PCDHA1: variants seen among roughly 807,000 people sequenced by gnomAD.
PCDHA1 encodes protocadherin alpha 1.
PCDHA1 carries 42 observed loss-of-function variants against 61.3 expected under a neutral mutation model. The ratio of observed to expected loss-of-function variants is 0.69; its 90% CI spans 0.54 to 0.89. PCDHA1 has a LOEUF of 0.89. Among genes scored for constraint, PCDHA1 ranks in the 40% least tolerant of loss-of-function variants. The probability of loss-of-function intolerance (pLI) is 0.00; values close to 1 mark genes in which losing one functional copy is unlikely to be tolerated. For synonymous variants in PCDHA1, 610 were observed against 553.8 expected (o/e 1.10, Z -1.43); for missense variants, 1,256 against 1,235.3 (o/e 1.02, Z -0.25).
chr5:140,925,671 A>G (rs999903876), intron 1 of PCDHA1, among the ~76,000 whole-genome samples: 5 of 148,178 alleles, frequency 3.4e-5, no homozygotes, highest in African/African-American at 1.2e-4. Flanking sequence ...TAATAATAAT[A>G]ATAATAAAGC....
intron 1 of PCDHA1, chr5:140,834,806 C>T (rs1160090879): frequency 1.9e-6 from 3 of 1,612,728 alleles, no homozygotes; most frequent in African/African-American, 1.3e-5. Flanking sequence ...GGAATCTGTT[C>T]ATCGCGGAAT....
At position 140,850,378 on chromosome 5, in the gene PCDHA1, C is replaced by T. The variant is rs1365314674; in HGVS notation, c.2394+61694C>T. On this transcript the variant is annotated intron_variant, in intron 1 of 3. Coordinates refer to ENST00000504120, the MANE Select transcript of PCDHA1 (RefSeq NM_018900.4). ...ATCCCGTTCCGCGTGGGGCTGTACA[C>T]GGGCGAGATCAGCACAACGCGTGCC... 6 of 1,597,842 alleles carry T rather than the reference C, an allele frequency of 3.8e-6. 1 individual carries two copies. Among genetic ancestry groups the T allele is most frequent in the Non-Finnish European group, 5.1e-6 (6 of 1,167,692 alleles).
At chr5:140,893,381 A>G (rs755671273) in intron 1 of PCDHA1, among the ~76,000 whole-genome samples, 11 of 152,190 alleles carry the variant, frequency 7.2e-5, no homozygotes, top group Non-Finnish European at 1.6e-4. Context: ...TTTATGGGAC[A>G]GTGGCTCATG....
chr5:140,941,169 C>T (rs1283079666), intron 1 of PCDHA1, among the ~76,000 whole-genome samples: 1 of 145,950 alleles, frequency 6.9e-6, no homozygotes, highest in Admixed American at 6.9e-5. Flanking sequence ...GACTCCCCAT[C>T]TTGAACATCC....
intron 1 of PCDHA1, among the ~76,000 whole-genome samples, chr5:140,840,213 T>C (rs1554137734): frequency 6.6e-6 from 1 of 152,020 alleles, no homozygotes; most frequent in Non-Finnish European, 1.5e-5. Flanking sequence ...GTCATAAAAA[T>C]ACATATGAGT....
At chr5:140,917,653 G>A (rs1400141765) in intron 1 of PCDHA1, among the ~76,000 whole-genome samples, 1 of 152,160 alleles carries the variant, frequency 6.6e-6, no homozygotes, top group Non-Finnish European at 1.5e-5. Flanking sequence ...GCAATATTGA[G>A]TAGGAAGTCC....
chr5:140,894,197 A>C (rs1378272032), intron 1 of PCDHA1, among the ~76,000 whole-genome samples: 1 of 152,008 alleles, frequency 6.6e-6, no homozygotes, highest in Non-Finnish European at 1.5e-5. Context: ...TATTTTTTCT[A>C]TGCTATTATA....
At chr5:140,823,331 T>G in intron 1 of PCDHA1, 2 of 1,612,068 alleles carry the variant, frequency 1.2e-6, no homozygotes, top group Non-Finnish European at 1.7e-6. Context: ...GTGTACGCGC[T>G]GCAGCCGCTG....
chr5:140,916,367 C>G (rs1400347792), intron 1 of PCDHA1, among the ~76,000 whole-genome samples: 1 of 152,196 alleles, frequency 6.6e-6, no homozygotes, highest in Non-Finnish European at 1.5e-5. Flanking sequence ...GAGTCTTTCA[C>G]TGTAGCCACC....
chr5:140,821,597 A>G, intron 1 of PCDHA1: 1 of 699,876 alleles, frequency 1.4e-6, no homozygotes. Context: ...CCCAGCCTCA[A>G]AGGAATACAG....
intron 3 of PCDHA1, among the ~76,000 whole-genome samples, chr5:141,000,399 A>ATT (rs2097917152): frequency 1.5e-5 from 1 of 66,842 alleles, no homozygotes; most frequent in Non-Finnish European, 2.7e-5. Context: ...CTCTCTCTAT[A>ATT]TATATATATA....
chr5:140,794,461 G>A (rs1257852454), intron 1 of PCDHA1, among the ~76,000 whole-genome samples: 2 of 152,198 alleles, frequency 1.3e-5, no homozygotes, highest in Non-Finnish European at 2.9e-5. Context: ...TAGAAAATAG[G>A]ACTGTGGTTA....
chr5:140,869,586 CAT>C, intron 1 of PCDHA1: 6 of 1,614,150 alleles, frequency 3.7e-6, no homozygotes, highest in Non-Finnish European at 5.1e-6. Flanking sequence ...CTGATGCTGA[CAT>C]TGAAGAGAAT....
intron 1 of PCDHA1, among the ~76,000 whole-genome samples, chr5:140,827,565 CTA>C (rs1769331404): frequency 6.6e-6 from 1 of 152,156 alleles, no homozygotes; most frequent in Non-Finnish European, 1.5e-5. Context: ...CCCTAGAGCA[CTA>C]TATAATAGCA....
At chr5:140,882,982 C>A (rs139888237) in intron 1 of PCDHA1, 2 of 1,614,148 alleles carry the variant, frequency 1.2e-6, no homozygotes, top group South Asian at 1.1e-5. Flanking sequence ...TGAATGACAA[C>A]GCCCCGGAAT....
intron 1 of PCDHA1, chr5:140,829,092 G>T (rs2150162526): frequency 6.2e-7 from 1 of 1,611,480 alleles, no homozygotes; most frequent in South Asian, 1.1e-5. Flanking sequence ...GCGGGTCATT[G>T]CACCGTTTTA....
chr5:140,860,216 T>G (rs1554153148), intron 1 of PCDHA1: 1 of 150,178 alleles, frequency 6.7e-6, no homozygotes, highest in Admixed American at 6.6e-5. Context: ...TATGTACTTA[T>G]GTATATATAA....
chr5:140,869,271 G>C (rs2050992128), intron 1 of PCDHA1: 1 of 1,613,468 alleles, frequency 6.2e-7, no homozygotes, highest in Admixed American at 1.7e-5. Flanking sequence ...GGCTGGAGCT[G>C]GCGGAGCTGG....
chr5:140,841,267 A>C, intron 1 of PCDHA1: 1 of 1,524,772 alleles, frequency 6.6e-7, no homozygotes, highest in Non-Finnish European at 8.8e-7. Flanking sequence ...CTGAAAGTAC[A>C]GTCGTTCATC....
Sources: gnomAD v4.1 joint callset for allele counts (sites outside exome capture counted in the v4.1 genomes callset) on GRCh38, gnomAD v4.1.1 for gene constraint, MANE v1.5 for transcripts, NCBI Gene and HGNC (gene_info 2026-07-23, HGNC 2026-07-21) for gene names.